Variants in FRMD6 observed in about 807,000 individuals in gnomAD.
FRMD6 encodes the protein FERM domain-containing protein 6.
FRMD6 carries 37 observed loss-of-function variants against 73.2 expected under a neutral mutation model. The observed-to-expected ratio is 0.51, with a 90% CI of 0.39 to 0.66. The LOEUF (loss-of-function observed/expected upper bound fraction) is 0.66. Among genes scored for constraint, FRMD6 ranks in the 30% least tolerant of loss-of-function variants. The pLI is 0.00. For missense variants in FRMD6, 714 were observed against 780.5 expected (o/e 0.91, Z 1.02); for synonymous variants, 273 against 282.2 (o/e 0.97, Z 0.33).
intron 1 of FRMD6, among the ~76,000 whole-genome samples, chr14:51,660,561 G>A (rs371392213): frequency 2.0e-5 from 3 of 148,744 alleles, no homozygotes; most frequent in African/African-American, 7.4e-5. Context: ...GTATGCCTAG[G>A]ATATGCCAGG....
intron 2 of FRMD6, among the ~76,000 whole-genome samples, chr14:51,579,727 T>C (rs750140298): frequency 1.8e-4 from 27 of 152,168 alleles, no homozygotes; most frequent in Non-Finnish European, 3.4e-4. Flanking sequence ...AACTTGCCAG[T>C]GTATTCCTCC....
chr14:51,647,429 A>C (rs957112013), upstream of FRMD6, among the ~76,000 whole-genome samples: 2 of 152,186 alleles, frequency 1.3e-5, no homozygotes, highest in African/African-American at 4.8e-5. Context: ...ACTTTATTTT[A>C]CTAGCTGAGA....
the FRMD6 span, among the ~76,000 whole-genome samples, chr14:51,482,170 A>G: frequency 0.01 from 1,573 of 152,304 alleles, 27 homozygotes; most frequent in African/African-American, 0.036. Flanking sequence ...TGCTGCCTCC[A>G]ATAGAATTAT....
the FRMD6 span, among the ~76,000 whole-genome samples, chr14:51,425,953 A>T: frequency 6.6e-6 from 1 of 152,134 alleles, no homozygotes; most frequent in African/African-American, 2.4e-5. Context: ...AAGCACAGTG[A>T]TTATGTGCTG....
Position 51,704,576 on chromosome 14 carries a change from G to A in FRMD6, c.372-173G>A, listed in dbSNP as rs1896515433. On this transcript the variant is annotated intron_variant, in intron 5 of 13. Transcript: ENST00000344768. The stretch of plus-strand genomic sequence containing the variant: ...GGGGTTCTGACCCCCTGCAACCTCA[G>A]TGAGGCAGCTATCAGATATTAGCTA... 5.3e-6 allele frequency: 3 copies of A among 567,070 alleles called. No individual in the cohort carries two copies. In the South Asian group the frequency reaches 7.9e-5, roughly 15 times the overall value. The allele number at this position is 567,070 out of a possible 1,614,324, so 35.1% of individuals were successfully genotyped here. A position where few individuals can be genotyped will look rare whatever the true frequency, so the allele number is the denominator to read the frequency against.
At chr14:51,462,090 A>C in the FRMD6 span, among the ~76,000 whole-genome samples, 5 of 152,122 alleles carry the variant, frequency 3.3e-5, no homozygotes. Flanking sequence ...GAAGGAAGAA[A>C]AGAAAGAAAG....
At chr14:51,562,375 G>A (rs1438707852) in intron 1 of FRMD6, among the ~76,000 whole-genome samples, 2 of 152,144 alleles carry the variant, frequency 1.3e-5, no homozygotes, top group Non-Finnish European at 2.9e-5. Flanking sequence ...GGAAGCAGAA[G>A]ATAGCATGCA....
chr14:51,528,864 C>A (rs540852528), intron 1 of FRMD6, among the ~76,000 whole-genome samples: 96 of 152,316 alleles, frequency 6.3e-4, no homozygotes, highest in African/African-American at 2.3e-3. Flanking sequence ...CTAGAATCAA[C>A]AACCTCTCAC....
intron 2 of FRMD6, among the ~76,000 whole-genome samples, chr14:51,690,271 A>G (rs1895458566): frequency 1.3e-5 from 2 of 152,244 alleles, no homozygotes; most frequent in African/African-American, 2.4e-5. Context: ...ACCCACACAC[A>G]TGAAATGGTA....
At chr14:51,589,674 A>C (rs771838062) in intron 2 of FRMD6, among the ~76,000 whole-genome samples, 4 of 151,878 alleles carry the variant, frequency 2.6e-5, no homozygotes, top group Non-Finnish European at 4.4e-5. Context: ...CTGAGTTCAA[A>C]TAGAGTTAGC....
chr14:51,511,702 G>A (rs1314966977), intron 1 of FRMD6, among the ~76,000 whole-genome samples: 1 of 152,020 alleles, frequency 6.6e-6, no homozygotes, highest in East Asian at 1.9e-4. Context: ...CATAGGGAGG[G>A]GAATATCACA....
intron 1 of FRMD6, among the ~76,000 whole-genome samples, chr14:51,563,952 T>C (rs1887631741): frequency 6.6e-6 from 1 of 152,242 alleles, no homozygotes; most frequent in Non-Finnish European, 1.5e-5. Context: ...TTTCAAGTTC[T>C]AACCACTTTT....
At chr14:51,448,544 T>A in the FRMD6 span, among the ~76,000 whole-genome samples, 3,192 of 152,330 alleles carry the variant, frequency 0.021, 114 homozygotes, top group African/African-American at 0.072. Flanking sequence ...TCTTCCTGTG[T>A]AATCCGAGGT....
intron 1 of FRMD6, among the ~76,000 whole-genome samples, chr14:51,559,100 T>TA (rs1281583248): frequency 5.9e-5 from 9 of 152,224 alleles, no homozygotes; most frequent in African/African-American, 2.2e-4. Flanking sequence ...CTGTCCTAGA[T>TA]AAATGAAGTT....
chr14:51,411,893 T>A, the FRMD6 span, among the ~76,000 whole-genome samples: 38 of 152,366 alleles, frequency 2.5e-4, no homozygotes, highest in African/African-American at 9.1e-4. Context: ...TATGCATTTT[T>A]ACACATGCTA....
At chr14:51,674,452 G>C (rs1474571632) in intron 1 of FRMD6, among the ~76,000 whole-genome samples, 1 of 152,064 alleles carries the variant, frequency 6.6e-6, no homozygotes, top group African/African-American at 2.4e-5. Context: ...CTGCTGACTT[G>C]GAATAGTCTG....
intron 3 of FRMD6, among the ~76,000 whole-genome samples, chr14:51,698,907 A>T (rs541015549): frequency 1.3e-5 from 2 of 152,190 alleles, no homozygotes; most frequent in African/African-American, 4.8e-5. Context: ...TGATATTTTT[A>T]AATTTCTCTA....
At chr14:51,464,021 G>A in the FRMD6 span, among the ~76,000 whole-genome samples, 22 of 152,220 alleles carry the variant, frequency 1.4e-4, no homozygotes, top group Admixed American at 1.2e-3. Flanking sequence ...TGTTGCCCAG[G>A]CTGGTTTCCA....
At chr14:51,583,228 T>A (rs6572776) in intron 2 of FRMD6, among the ~76,000 whole-genome samples, 132,802 of 152,126 alleles carry the variant, frequency 0.87, 58,452 homozygotes, top group Non-Finnish European at 0.92. Flanking sequence ...TCTCTTTATT[T>A]GCCGAACTAA....
Sources: allele counts gnomAD v4.1 joint callset (sites outside exome capture counted in the v4.1 genomes callset), GRCh38; gene constraint gnomAD v4.1.1; transcripts MANE v1.5; gene names NCBI Gene and HGNC (gene_info 2026-07-23, HGNC 2026-07-21).